The following NUP210 variants were observed in gnomAD, a reference collection of about 807,000 sequenced individuals.
NUP210 encodes nucleoporin 210.
NUP210 carries 151 observed loss-of-function variants against 196.0 expected under a neutral mutation model. The ratio of observed to expected loss-of-function variants is 0.77; its 90% confidence interval spans 0.67 to 0.88. The LOEUF (loss-of-function observed/expected upper bound fraction) is 0.88, where lower values mean the gene tolerates loss of function less well. Among genes scored for constraint, NUP210 ranks in the 40% least tolerant of loss-of-function variants. The pLI is 0.00. For synonymous variants in NUP210, 1,070 were observed against 1,052.7 expected, an observed-to-expected ratio of 1.02 and a Z score of -0.32; for missense variants, 2,314 against 2,493.7, an observed-to-expected ratio of 0.93 and a Z score of 1.53.
At chr3:13,361,510 C>T (rs1459916063) in intron 14 of NUP210, among the ~76,000 whole-genome samples, 1 of 152,154 alleles carries the variant, frequency 6.6e-6, no homozygotes, top group Non-Finnish European at 1.5e-5. Context: ...AGGAGGACTC[C>T]TCCCTCCAGT....
At chr3:13,330,413 G>T in intron 30 of NUP210, 47 bp downstream of exon 30, 1 of 1,568,616 alleles carries the variant, frequency 6.4e-7, no homozygotes, top group Non-Finnish European at 8.7e-7. Flanking sequence ...TATTACCTCA[G>T]TGCTATTGCT....
chr3:13,402,476 T>A (rs1699872700), intron 1 of NUP210, among the ~76,000 whole-genome samples: 1 of 152,086 alleles, frequency 6.6e-6, no homozygotes, highest in Non-Finnish European at 1.5e-5. Context: ...GCCCAATAAA[T>A]GCAAACAGAG....
intron 31 of NUP210, 134 bp downstream of exon 31, chr3:13,328,637 G>C (rs140426443): frequency 3.6e-6 from 3 of 839,408 alleles, no homozygotes; most frequent in Non-Finnish European, 3.9e-6. Context: ...GGTGCAGCAT[G>C]CCCACATCTC....
intron 1 of NUP210, among the ~76,000 whole-genome samples, chr3:13,413,102 T>C (rs927434502): frequency 1.4e-4 from 21 of 151,888 alleles, no homozygotes; most frequent in Non-Finnish European, 2.4e-4. Flanking sequence ...CCGTCTCTAC[T>C]AAAAATACTA....
chr3:13,373,992 A>C, intron 11 of NUP210, 119 bp from the exon 12 acceptor site: 12 of 1,199,172 alleles, frequency 1.0e-5, no homozygotes, highest in East Asian at 2.6e-5. Flanking sequence ...ATTTATCCTC[A>C]CACTCATGGG....
chr3:13,402,426 T>C (rs2124950634), intron 1 of NUP210, among the ~76,000 whole-genome samples: 1 of 152,274 alleles, frequency 6.6e-6, no homozygotes, highest in South Asian at 2.1e-4. Context: ...AACCACTCTT[T>C]TCTTGCTTCA....
intron 20 of NUP210, chr3:13,351,550 A>T (rs898781780): frequency 4.4e-6 from 1 of 226,800 alleles, no homozygotes; most frequent in African/African-American, 2.3e-5. Context: ...CTGGAGCATG[A>T]CCACTGCTCA....
intron 30 of NUP210, among the ~76,000 whole-genome samples, chr3:13,329,592 CA>C (rs138181964): frequency 0.012 from 1,752 of 152,264 alleles, 32 homozygotes; most frequent in African/African-American, 0.04. Context: ...TTTCACTCAC[CA>C]AAAACTAGAG....
At chr3:13,419,015 G>A (rs1700444539) in intron 1 of NUP210, among the ~76,000 whole-genome samples, 2 of 146,804 alleles carry the variant, frequency 1.4e-5, no homozygotes, top group Admixed American at 1.4e-4. Flanking sequence ...AACAGAGAAA[G>A]CTGGCTGGTC....
At chr3:13,341,664 T>C in intron 23 of NUP210, 84 bp downstream of exon 23, 1 of 1,471,918 alleles carries the variant, frequency 6.8e-7, no homozygotes, top group Non-Finnish European at 9.3e-7. Flanking sequence ...TTCTCTACAG[T>C]AGCTTCCTGG....
Position 13,322,972 on chromosome 3 carries a change from G to A in NUP210, c.4768+337C>T, listed in dbSNP as rs79169358. On this transcript the variant is annotated intron_variant, in intron 34 of 39. Coordinates refer to ENST00000254508, the MANE Select transcript of NUP210 (RefSeq NM_024923.4). Reference sequence around the variant, plus strand: ...GGTCATTACAAAAATTAAAACCAGTGACGAGTCCTGCTAATTCATTAGTTT... The same window carrying A: ...GGTCATTACAAAAATTAAAACCAGTAACGAGTCCTGCTAATTCATTAGTTT... Among the ~76,000 whole-genome samples the A allele has an allele frequency of 8.9e-4, 136 of 152,272 alleles. 1 individual carries two copies. Among genetic ancestry groups the A allele is most frequent in the African/African-American group, 3.3e-3 (136 of 41,554 alleles).
At chr3:13,412,247 T>TTTTTTTTTTTTTTTTTTTTTTTA (rs1553605356) in intron 1 of NUP210, among the ~76,000 whole-genome samples, 1 of 135,646 alleles carries the variant, frequency 7.4e-6, no homozygotes, top group African/African-American at 3.3e-5. Flanking sequence ...TTTTTTTTTT[T>TTTTTTTTTTTTTTTTTTTTTTTA]AGTAGAGACA....
At chr3:13,372,149 C>G (rs1000455880) in intron 12 of NUP210, 117 bp from the exon 13 acceptor site, 9 of 979,890 alleles carry the variant, frequency 9.2e-6, no homozygotes, top group Non-Finnish European at 1.3e-5. Context: ...CTGTGAGAAG[C>G]CTGTCACGGG....
In NUP210 at chr3:13,322,236, A is replaced by G; in HGVS notation, c.4872T>C (p.Ser1624=). 1 of 1,614,224 alleles carries G rather than the reference A, an allele frequency of 6.2e-7. No individual in the cohort carries two copies. The highest frequency in any genetic ancestry group is 8.5e-7 in the Non-Finnish European group (1 of 1,180,040). ...GTGGCTCCACGGTGAACACATCTTG[A>G]GATGGGAAATCAAAGACGGCCGGCT... ...QFKPAVFDFP[S]QDVFTVEPQF... is the part of the protein sequence containing the mutation. Residue 1624 remains serine, a synonymous_variant, in exon 35 of 40, where the codon TCT becomes TCC. Transcript: ENST00000254508.
At chr3:13,364,416 G>T (rs961070184) in intron 14 of NUP210, among the ~76,000 whole-genome samples, 1 of 152,198 alleles carries the variant, frequency 6.6e-6, no homozygotes, top group Admixed American at 6.5e-5. Context: ...CTTGGCTTCT[G>T]CCCTGGCTGG....
At chr3:13,337,035 G>A (rs1697245313) in intron 26 of NUP210, 117 bp from the exon 27 acceptor site, 3 of 1,272,970 alleles carry the variant, frequency 2.4e-6, no homozygotes, top group South Asian at 2.6e-5. Context: ...CCCAACTAGA[G>A]AAGAGCATGG....
chr3:13,358,128 G>C, intron 16 of NUP210, 94 bp downstream of exon 16: 2 of 1,138,734 alleles, frequency 1.8e-6, no homozygotes, highest in Non-Finnish European at 2.5e-6. Flanking sequence ...AGCTATGTCC[G>C]TTGCAATGCT....
At position 13,323,782 on chromosome 3, in the gene NUP210, C is replaced by A. The variant is rs1422268186; in HGVS notation, c.4645-350G>T. Among the ~76,000 whole-genome samples, 2 of 152,178 alleles carry A rather than the reference C, an allele frequency of 1.3e-5. No individual in the cohort carries two copies. Among genetic ancestry groups the A allele is most frequent in the East Asian group, 3.9e-4 (2 of 5,194 alleles). Reference sequence around the variant, plus strand: ...CTCTGTAGTACAGCACCACACCCCACCCAGAATCCAGTCTGCCCAGATTTT... The same window carrying A: ...CTCTGTAGTACAGCACCACACCCCAACCAGAATCCAGTCTGCCCAGATTTT... On this transcript the variant is annotated intron_variant, in intron 33 of 39. Coordinates refer to ENST00000254508, the MANE Select transcript of NUP210 (RefSeq NM_024923.4). This position sits in a 1 kb window ranked among gnomAD's most constrained non-coding sequence, Gnocchi z 4.3.
At chr3:13,409,355 G>A (rs554995736) in intron 1 of NUP210, among the ~76,000 whole-genome samples, 16 of 152,238 alleles carry the variant, frequency 1.1e-4, no homozygotes, top group South Asian at 6.2e-4. Context: ...TGGACTAAGC[G>A]CCTTTATAAA....
Sources: allele counts gnomAD v4.1 joint callset (sites outside exome capture counted in the v4.1 genomes callset), GRCh38; gene constraint gnomAD v4.1.1; non-coding constraint Gnocchi (gnomAD v3.1); transcripts MANE v1.5; gene names NCBI Gene and HGNC (gene_info 2026-07-23, HGNC 2026-07-21).